ACSBG1: variants seen among roughly 807,000 people sequenced by gnomAD.
The protein encoded by ACSBG1 is acyl-CoA synthetase bubblegum family member 1, also known as long-chain-fatty-acid--CoA ligase ACSBG1.
ACSBG1 carries 39 observed loss-of-function variants against 80.2 expected under a neutral mutation model. The observed-to-expected ratio is 0.49, with a 90% CI of 0.38 to 0.64. The LOEUF (loss-of-function observed/expected upper bound fraction) is 0.64. ACSBG1 is among the 30% of genes least tolerant of loss of function. ACSBG1 has a pLI of 0.00. For missense variants in ACSBG1, 828 were observed against 966.4 expected (o/e 0.86, Z 1.90); for synonymous variants, 392 against 379.5 (o/e 1.03, Z -0.38).
chr15:78,233,602 G>A (rs919505806), intron 1 of ACSBG1, among the ~76,000 whole-genome samples: 2 of 152,190 alleles, frequency 1.3e-5, no homozygotes, highest in African/African-American at 2.4e-5. Flanking sequence ...CATCTCAGGC[G>A]CCCCAGTTAG....
At position 78,234,375 on chromosome 15, in the gene ACSBG1, T is replaced by G; in HGVS notation, c.127A>C (p.Thr43Pro). ...IVRTTQEKLK[T>P]SSLTDRQPLS... is the part of the protein sequence containing the mutation. Reference sequence around the variant, plus strand: ...GAAACCCAACCAATGACTTACCTGGTTTTCAATTTTTCTTGGGTGGTCCTC... The same window carrying G: ...GAAACCCAACCAATGACTTACCTGGGTTTCAATTTTTCTTGGGTGGTCCTC... The change falls in exon 1 of 14, where the codon ACC becomes CCC. Residue 43 changes from threonine (T) to proline (P), a missense_variant. Transcript: ENST00000258873. 6.2e-7 allele frequency: 1 copy of G among 1,610,698 alleles called. No individual in the cohort carries two copies. Among genetic ancestry groups the G allele is most frequent in the Non-Finnish European group, 8.5e-7 (1 of 1,179,968 alleles).
intron 2 of ACSBG1, among the ~76,000 whole-genome samples, chr15:78,203,496 T>G (rs955352619): frequency 4.7e-4 from 72 of 151,952 alleles, no homozygotes; most frequent in Non-Finnish European, 1.3e-4. Context: ...CCAGGCAAGG[T>G]TGGCACTCTC....
rs1260061398 is a variant in ACSBG1, at chr15:78,169,454, T to C, written c.*1990A>G. ...TTGACATAATAGCACAAAATGACAC[T>C]CTTCTAAAACTAAATGGGCACAAGA... is the stretch of plus-strand genomic sequence containing the variant. On this transcript the variant is annotated 3_prime_UTR_variant, in exon 14 of 14. Transcript: ENST00000258873. The C allele has an allele frequency of 6.6e-6, 1 of 152,298 alleles. No individual in the cohort carries two copies. The highest frequency in any genetic ancestry group is 2.4e-5 in the African/African-American group (1 of 41,436). 9.4% of individuals were successfully genotyped at this position (152,298 alleles called of 1,614,324 possible). A position where few individuals can be genotyped will look rare whatever the true frequency, so the allele number is the denominator to read the frequency against.
intron 2 of ACSBG1, among the ~76,000 whole-genome samples, chr15:78,204,966 C>T (rs953187691): frequency 1.3e-5 from 2 of 152,168 alleles, no homozygotes; most frequent in Admixed American, 6.5e-5. Flanking sequence ...CCTAGCTTCC[C>T]AATTGCAAAA....
chr15:78,214,472 C>T (rs1031928409), intron 1 of ACSBG1, among the ~76,000 whole-genome samples: 1 of 152,182 alleles, frequency 6.6e-6, no homozygotes, highest in African/African-American at 2.4e-5. Context: ...CAAAGTCTCA[C>T]TCTGTTGCCC....
At chr15:78,216,841 TG>T (rs1436863334) in intron 1 of ACSBG1, among the ~76,000 whole-genome samples, 1 of 152,214 alleles carries the variant, frequency 6.6e-6, no homozygotes, top group Admixed American at 6.5e-5. Context: ...CACAGCCTGC[TG>T]TATACAAATA....
chr15:78,167,636 G>A lies in ACSBG1; in HGVS notation c.*3808C>T, dbSNP rs994221805. 6.6e-6 allele frequency: 1 copy of A among 152,134 alleles called. No homozygotes were observed. Among genetic ancestry groups the A allele is most frequent in the African/African-American group, 2.4e-5 (1 of 41,410 alleles). 9.4% of individuals were successfully genotyped at this position (152,134 alleles called of 1,614,324 possible). A position where few individuals can be genotyped will look rare whatever the true frequency, so the allele number is the denominator to read the frequency against. ...GACCAGTTTCATTTTCTCAAACTGA[G>A]ACTCTGCACCCGTTAAACAGTAACT... On this transcript the variant is annotated 3_prime_UTR_variant, in exon 14 of 14. Coordinates refer to ENST00000258873, the MANE Select transcript of ACSBG1 (RefSeq NM_015162.5).
intron 1 of ACSBG1, among the ~76,000 whole-genome samples, chr15:78,231,022 T>C (rs1221173748): frequency 1.3e-5 from 2 of 152,226 alleles, no homozygotes; most frequent in African/African-American, 4.8e-5. Flanking sequence ...TGGAGTGCAG[T>C]GGTGCCATCA....
chr15:78,220,619 T>C (rs537025910), intron 1 of ACSBG1, among the ~76,000 whole-genome samples: 1 of 152,138 alleles, frequency 6.6e-6, no homozygotes, highest in East Asian at 1.9e-4. Context: ...TACAACTCAA[T>C]AATAAGAAGA....
chr15:78,186,214 C>G (rs2075002190), intron 5 of ACSBG1, among the ~76,000 whole-genome samples: 1 of 152,104 alleles, frequency 6.6e-6, no homozygotes, highest in Admixed American at 6.6e-5. Context: ...CTTAGACTCC[C>G]ACACAATAAT....
At chr15:78,220,055 G>C (rs565051624) in intron 1 of ACSBG1, among the ~76,000 whole-genome samples, 202 of 152,298 alleles carry the variant, frequency 1.3e-3, no homozygotes, top group African/African-American at 4.3e-3. Context: ...AAAGAACAAA[G>C]TTGAAGGATT....
intron 1 of ACSBG1, among the ~76,000 whole-genome samples, chr15:78,214,128 G>T (rs977412212): frequency 6.6e-6 from 1 of 152,104 alleles, no homozygotes; most frequent in African/African-American, 2.4e-5. Flanking sequence ...TGCACCTTGC[G>T]CTGTGCCTTC....
chr15:78,211,284 G>A (rs546863442), intron 1 of ACSBG1, among the ~76,000 whole-genome samples: 3 of 152,348 alleles, frequency 2.0e-5, no homozygotes, highest in Admixed American at 1.3e-4. Flanking sequence ...TGAGCACGCC[G>A]AAGGCGATTA....
intron 4 of ACSBG1, 100 bp from the exon 5 acceptor site, chr15:78,193,726 A>G: frequency 7.7e-7 from 1 of 1,292,154 alleles, no homozygotes. Flanking sequence ...GAGAGCTCCC[A>G]TAGCCTGGCA....
intron 5 of ACSBG1, among the ~76,000 whole-genome samples, chr15:78,192,530 G>A (rs1158428570): frequency 6.6e-6 from 1 of 152,176 alleles, no homozygotes; most frequent in African/African-American, 2.4e-5. Flanking sequence ...TCTGATTTGG[G>A]GATGCCCTCC....
At position 78,234,474 on chromosome 15, in the gene ACSBG1, C is replaced by T. The variant is rs201367266; in HGVS notation, c.28G>A (p.Gly10Ser). The T allele has an allele frequency of 5.2e-5, 84 of 1,612,060 alleles. No homozygotes were observed. The highest frequency in any genetic ancestry group is 4.9e-4 in the Middle Eastern group (3 of 6,076). The change falls in exon 1 of 14, where the codon GGC becomes AGC. Residue 10 changes from glycine to serine, a missense_variant. Coordinates refer to ENST00000258873, the MANE Select transcript of ACSBG1 (RefSeq NM_015162.5). Reference sequence around the variant, plus strand: ...ATGCTGGGGTCCCCGTGTGGGCAGCCGTATCCAGCTCCAGAATTGCGTGGC... The same window carrying T: ...ATGCTGGGGTCCCCGTGTGGGCAGCTGTATCCAGCTCCAGAATTGCGTGGC... Reference protein sequence around the residue: MPRNSGAGYGCPHGDPSMLD... With the variant: MPRNSGAGYSCPHGDPSMLD...
intron 5 of ACSBG1, among the ~76,000 whole-genome samples, chr15:78,187,668 T>G (rs1006180371): frequency 6.6e-6 from 1 of 152,170 alleles, no homozygotes; most frequent in Non-Finnish European, 1.5e-5. Flanking sequence ...ATTGATGGGA[T>G]GTATCTCAAA....
At chr15:78,194,871 G>T in intron 2 of ACSBG1, 145 bp from the exon 3 acceptor site, 1 of 753,576 alleles carries the variant, frequency 1.3e-6, no homozygotes. Flanking sequence ...GACTGGGGTA[G>T]ACTGGGGTAG....
intron 5 of ACSBG1, among the ~76,000 whole-genome samples, chr15:78,187,260 T>C (rs1337939081): frequency 2.6e-5 from 4 of 152,218 alleles, no homozygotes. Flanking sequence ...GAGGAGCTGA[T>C]ACCATTCCTT....
Sources: allele counts gnomAD v4.1 joint callset (sites outside exome capture counted in the v4.1 genomes callset), GRCh38; gene constraint gnomAD v4.1.1; transcripts MANE v1.5; gene names NCBI Gene and HGNC (gene_info 2026-07-23, HGNC 2026-07-21).